The following MYO15A variants were observed in gnomAD, a reference collection of about 807,000 sequenced individuals.
The protein encoded by MYO15A is myosin XVA, also known as unconventional myosin-XV.
Under a neutral mutation model 394.6 loss-of-function variants are expected in MYO15A, and 308 were observed. The ratio of observed to expected loss-of-function variants is 0.78; its 90% CI spans 0.71 to 0.86. MYO15A has a LOEUF of 0.86. Among genes scored for constraint, MYO15A ranks in the 40% least tolerant of loss-of-function variants. The probability of loss-of-function intolerance (pLI) is 0.00; values close to 1 mark genes in which losing one functional copy is unlikely to be tolerated. For missense variants in MYO15A, 4,606 were observed against 4,799.1 expected (o/e 0.96, Z 1.19); for synonymous variants, 1,957 against 2,003.8 (o/e 0.98, Z 0.62).
intron 50 of MYO15A, 195 bp from the exon 51 acceptor site, chr17:18,157,527 A>ATGGTCCTG: frequency 8.4e-7 from 1 of 1,190,524 alleles, no homozygotes; most frequent in Non-Finnish European, 1.2e-6. Flanking sequence ...CTTCCCCTTT[A>ATGGTCCTG]TGGTCCTGTG....
chr17:18,165,450 C>G (rs759807838), intron 60 of MYO15A, among the ~76,000 whole-genome samples: 7 of 152,166 alleles, frequency 4.6e-5, no homozygotes, highest in Non-Finnish European at 7.3e-5. Context: ...CCAAAGCCAG[C>G]AGTGTAGAAT....
chr17:18,173,787 A>T lies in MYO15A; in HGVS notation c.10357A>T (p.Met3453Leu). 1 of 1,613,908 alleles carries T rather than the reference A, an allele frequency of 6.2e-7. No individual in the cohort carries two copies. Among genetic ancestry groups the T allele is most frequent in the Non-Finnish European group, 8.5e-7 (1 of 1,180,018 alleles). The change falls in exon 65 of 66, where the codon ATG (methionine) becomes TTG (leucine). Residue 3453 changes from methionine to leucine, a missense_variant. This residue lies in a region of MYO15A where 2,776 missense variants were observed against 3,109.3 expected (regional missense o/e 0.89). Transcript: ENST00000647165. ...CCTCTCCTCCTACTCCCAGGAATTG[A>T]TGGTGAAGTTCCCCCTGAAGGAGAT... ...NFLSTETHEL[M>L]VKFPLKEIQS...
At position 18,142,777 on chromosome 17, in the gene MYO15A, G is replaced by A. The variant is rs2046404997; in HGVS notation, c.5847G>A (p.Arg1949=). The change falls in exon 25 of 66, where the codon AGG becomes AGA. Residue 1949 remains arginine (R), a synonymous_variant. Coordinates refer to ENST00000647165, the MANE Select transcript of MYO15A (RefSeq NM_016239.4). ...CCAGGCAACGCTATCAGCAGATGAG[G>A]AGGAGTCTGGTGAAGTTCCGGTCCC... The part of the protein sequence containing the change: ...YLARQRYQQM[R]RSLVKFRSLV... 6.2e-7 allele frequency: 1 copy of A among 1,613,750 alleles called. No individual in the cohort carries two copies. Among genetic ancestry groups the A allele is most frequent in the South Asian group, 1.1e-5 (1 of 91,008 alleles).
At chr17:18,134,370 A>G (rs2046226899) in intron 12 of MYO15A, among the ~76,000 whole-genome samples, 1 of 152,194 alleles carries the variant, frequency 6.6e-6, no homozygotes, top group South Asian at 2.1e-4. Flanking sequence ...TTTAAATTTT[A>G]TATTTGAAAT....
chr17:18,166,649 T>G, intron 61 of MYO15A, 128 bp downstream of exon 61: 2 of 1,279,932 alleles, frequency 1.6e-6, no homozygotes, highest in Non-Finnish European at 2.2e-6. Context: ...CTAGCCCTGA[T>G]GTCTCTGCTC....
chr17:18,138,222 T>C lies in MYO15A; in HGVS notation c.4983T>C (p.Leu1661=). 1 of 1,613,414 alleles carries C rather than the reference T, an allele frequency of 6.2e-7. No homozygotes were observed. Among genetic ancestry groups the C allele is most frequent in the African/African-American group, 1.3e-5 (1 of 75,062 alleles). Residue 1661 remains leucine, a synonymous_variant, in exon 17 of 66, where the codon CTT becomes CTC. Transcript: ENST00000647165. ...AGCCTTATGGCATCCTGCGGATCCT[T>C]GACGACCAGTGTTGCTTTCCCCAGG... ...SLKPYGILRI[L]DDQCCFPQAT...
At chr17:18,130,605 T>C (rs2046137087) in intron 7 of MYO15A, among the ~76,000 whole-genome samples, 200 bp from the exon 8 acceptor site, 1 of 151,958 alleles carries the variant, frequency 6.6e-6, no homozygotes, top group Non-Finnish European at 1.5e-5. Context: ...GAAGGCAAAC[T>C]CAGCATATTT....
rs374716848 is a variant in MYO15A at position 18,146,001 on chromosome 17, G to C, written c.6403G>C (p.Val2135Leu). Reference sequence around the variant, plus strand: ...GATCCTGGCACAGCTGGCCAATCAGGTGTGGCACAATCACAATGCCCACAA... The same window carrying C: ...GATCCTGGCACAGCTGGCCAATCAGCTGTGGCACAATCACAATGCCCACAA... ...DEILAQLANQ[V>L]WHNHNAHNAE... The change falls in exon 30 of 66, where the codon GTG (valine) becomes CTG (leucine). Residue 2135 changes from valine to leucine, a missense_variant. Around this residue, in one of 2 missense-constraint regions of MYO15A, gnomAD observed 2,776 missense variants for 3,109.3 expected, o/e 0.89. Transcript: ENST00000647165. 43 of 1,613,814 alleles carry C rather than the reference G, an allele frequency of 2.7e-5. No homozygotes were observed. The highest frequency in any genetic ancestry group is 9.3e-5 in the African/African-American group (7 of 74,928).
At chr17:18,110,609 C>A (rs983660393) in intron 1 of MYO15A, 10 of 152,250 alleles carry the variant, frequency 6.6e-5, no homozygotes, top group Non-Finnish European at 5.9e-5. Flanking sequence ...AGGGATCTAA[C>A]CTCTCTAAGA....
In MYO15A at chr17:18,148,056, C is replaced by T; in HGVS notation, c.6537C>T (p.Gly2179=). 18 of 1,613,988 alleles carry T rather than the reference C, an allele frequency of 1.1e-5. No individual in the cohort carries two copies. The highest frequency in any genetic ancestry group is 1.5e-5 in the Non-Finnish European group (18 of 1,180,008). ...LKFVSDYGRN[G]FQAVCQHRLM... The stretch of plus-strand genomic sequence containing the variant: ...TTGTGTCTGATTATGGGCGGAATGG[C>T]TTCCAGGCTGTGTGTCAGCACCGCC... Residue 2179 remains glycine (G), a synonymous_variant, in exon 31 of 66, where the codon GGC becomes GGT. Coordinates refer to ENST00000647165, the MANE Select transcript of MYO15A (RefSeq NM_016239.4). The surrounding 1 kb of genome is among the most constrained non-coding windows in gnomAD (Gnocchi z 4.8).
intron 12 of MYO15A, 152 bp downstream of exon 12, chr17:18,133,538 T>C: frequency 9.7e-7 from 1 of 1,033,302 alleles, no homozygotes; most frequent in Non-Finnish European, 1.4e-6. Flanking sequence ...TTCATCTTTT[T>C]CCTCCTTATA....
intron 23 of MYO15A, 112 bp from the exon 24 acceptor site, chr17:18,141,967 G>A (rs1347459152): frequency 2.7e-5 from 38 of 1,398,902 alleles, no homozygotes; most frequent in Non-Finnish European, 3.6e-5. Flanking sequence ...CTCCAGCCCC[G>A]CTCCAGGAGG....
intron 18 of MYO15A, 142 bp from the exon 19 acceptor site, chr17:18,139,392 G>A (rs1370200099): frequency 8.0e-6 from 8 of 999,038 alleles, no homozygotes; most frequent in South Asian, 5.7e-5. Flanking sequence ...AAGCCATGGC[G>A]AATGCTCCCC....
intron 19 of MYO15A, 23 bp from the exon 20 acceptor site, chr17:18,140,494 T>C (rs1381695915): frequency 6.2e-7 from 1 of 1,613,374 alleles, no homozygotes; most frequent in East Asian, 2.2e-5. Context: ...CTGTCTGTTT[T>C]CCCTGCCCCG....
Position 18,154,762 on chromosome 17 carries a change from C to T in MYO15A, c.8224+7C>T, listed in dbSNP as rs764654985. 36 of 1,613,082 alleles carry T rather than the reference C, an allele frequency of 2.2e-5. 1 individual carries two copies. The East Asian group carries it at 6.7e-4, about 30-fold the overall frequency. The stretch of plus-strand genomic sequence containing the variant: ...AGGATGAAGGCCTTGTTTGGTATCT[C>T]GGGGGAGAGGAGGGGTACTGATGGG... On this transcript the variant is annotated splice_region_variant and intron_variant, in intron 45 of 65. Coordinates refer to ENST00000647165, the MANE Select transcript of MYO15A (RefSeq NM_016239.4).
intron 44 of MYO15A, 46 bp downstream of exon 44, chr17:18,154,236 T>G: frequency 5.6e-6 from 9 of 1,605,014 alleles, no homozygotes; most frequent in Non-Finnish European, 7.7e-6. Context: ...TCAGCAGGGC[T>G]GTGTGGACGC....
chr17:18,114,252 T>C (rs905782452), intron 1 of MYO15A, among the ~76,000 whole-genome samples: 2 of 138,024 alleles, frequency 1.4e-5, no homozygotes, highest in Admixed American at 7.4e-5. Context: ...TTTTTTTTTT[T>C]TTTTTTTTTT....
intron 55 of MYO15A, 74 bp downstream of exon 55, chr17:18,159,753 A>G: frequency 6.4e-7 from 1 of 1,551,634 alleles, no homozygotes. Context: ...TCAATGAGTC[A>G]CAGGACATTA....
Position 18,148,179 on chromosome 17 carries a change from C to G in MYO15A, c.6660C>G (p.Ala2220=), listed in dbSNP as rs774603815. The G allele has an allele frequency of 6.2e-7, 1 of 1,613,780 alleles. No individual in the cohort carries two copies. The highest frequency in any genetic ancestry group is 1.1e-5 in the South Asian group (1 of 91,080). ...AGTGGACAGCGACCTATGAGAAGGC[C>G]AGCATGGCGCTGGACGTGGGCTGCT... ...QLEWTATYEK[A]SMALDVGCFN... The change falls in exon 31 of 66, where the codon GCC becomes GCG. Residue 2220 remains alanine (A), a synonymous_variant. Coordinates refer to ENST00000647165, the MANE Select transcript of MYO15A (RefSeq NM_016239.4). The surrounding 1 kb of genome is among the most constrained non-coding windows in gnomAD (Gnocchi z 4.8).
Sources: gnomAD v4.1 joint callset for allele counts (sites outside exome capture counted in the v4.1 genomes callset) on GRCh38, gnomAD v4.1.1 for gene constraint, gnomAD v4.1.1 regional missense constraint, Gnocchi (gnomAD v3.1) non-coding constraint, MANE v1.5 for transcripts, NCBI Gene and HGNC (gene_info 2026-07-23, HGNC 2026-07-21) for gene names.